The following PDK1 variants were observed in gnomAD, a reference collection of about 807,000 sequenced individuals.
PDK1 encodes the protein [Pyruvate dehydrogenase (acetyl-transferring)] kinase isozyme 1, mitochondrial.
In PDK1, 39 loss-of-function variants were observed where a neutral mutation model predicts 54.2. The ratio of observed to expected loss-of-function variants is 0.72; its 90% CI spans 0.56 to 0.94. PDK1 has a LOEUF of 0.94. Among genes scored for constraint, PDK1 ranks in the 40% least tolerant of loss-of-function variants. The pLI is 0.00. For missense variants in PDK1, 552 were observed against 566.0 expected, an observed-to-expected ratio of 0.98 and a Z score of 0.25; for synonymous variants, 221 against 207.1, an observed-to-expected ratio of 1.07 and a Z score of -0.58.
intron 3 of PDK1, among the ~76,000 whole-genome samples, chr2:172,563,561 C>T (rs1454990484): frequency 6.6e-6 from 1 of 152,176 alleles, no homozygotes; most frequent in Non-Finnish European, 1.5e-5. Context: ...GGGCCGGGCA[C>T]GGTGGCTCAC....
chr2:172,722,863 G>A, the PDK1 span, among the ~76,000 whole-genome samples: 1 of 152,028 alleles, frequency 6.6e-6, no homozygotes, highest in Non-Finnish European at 1.5e-5. Context: ...TTTATTGGCA[G>A]CCTTAATCGG....
Position 172,607,286 on chromosome 2 carries a change from T to C in PDK1, c.*11317T>C, listed in dbSNP as rs1241019475. 1 of 152,248 alleles carries C rather than the reference T, an allele frequency of 6.6e-6. No individual in the cohort carries two copies. Among genetic ancestry groups the C allele is most frequent in the Non-Finnish European group, 1.5e-5 (1 of 68,042 alleles). 9.4% of individuals were successfully genotyped at this position (152,248 alleles called of 1,614,324 possible). On this transcript the variant is annotated 3_prime_UTR_variant, in exon 11 of 11. Coordinates refer to ENST00000282077, the MANE Select transcript of PDK1 (RefSeq NM_002610.5). ...AGCCTGGGTGACAGAGCGAGGTTGC[T>C]TCTAAAACAAAAATTTGAAATAGTA...
At position 172,599,157 on chromosome 2, in the gene PDK1, A is replaced by T. The variant is rs1266409258; in HGVS notation, c.*3188A>T. The T allele has an allele frequency of 1.2e-5, 1 of 86,900 alleles. No homozygotes were observed. Among genetic ancestry groups the T allele is most frequent in the African/African-American group, 6.3e-5 (1 of 15,750 alleles). 5.4% of individuals were successfully genotyped at this position (86,900 alleles called of 1,614,324 possible). On this transcript the variant is annotated 3_prime_UTR_variant, in exon 11 of 11. Coordinates refer to ENST00000282077, the MANE Select transcript of PDK1 (RefSeq NM_002610.5). ...GAATAACTTTCCACAGTATAACTGT[A>T]AAAAAAAAAAAAAAAAGTCTTAATT...
At chr2:172,562,831 A>G (rs1329952928) in intron 3 of PDK1, 2 of 1,606,358 alleles carry the variant, frequency 1.2e-6, no homozygotes, top group Non-Finnish European at 8.5e-7. Flanking sequence ...AATAACCCAT[A>G]TACCAGAATT....
the PDK1 span, among the ~76,000 whole-genome samples, chr2:172,637,820 C>G: frequency 6.6e-6 from 1 of 152,094 alleles, no homozygotes; most frequent in Admixed American, 6.6e-5. Context: ...CTCAGCCTCC[C>G]GAGCAGCTGG....
At chr2:172,669,503 A>G in the PDK1 span, among the ~76,000 whole-genome samples, 2 of 152,226 alleles carry the variant, frequency 1.3e-5, no homozygotes, top group Non-Finnish European at 2.9e-5. Flanking sequence ...ACATCTCTTC[A>G]GCATACTGAT....
At chr2:172,641,320 C>T in the PDK1 span, among the ~76,000 whole-genome samples, 272 of 151,976 alleles carry the variant, frequency 1.8e-3, no homozygotes, top group African/African-American at 6.1e-3. Context: ...TTTGTGGAGA[C>T]GGGGTCTTTC....
intron 6 of PDK1, 70 bp downstream of exon 6, chr2:172,567,003 T>A: frequency 2.9e-6 from 3 of 1,043,872 alleles, no homozygotes; most frequent in Non-Finnish European, 2.9e-6. Flanking sequence ...AGAATTTAAA[T>A]GTTTTAATGG....
chr2:172,671,881 G>A, the PDK1 span, among the ~76,000 whole-genome samples: 1 of 152,270 alleles, frequency 6.6e-6, no homozygotes, highest in African/African-American at 2.4e-5. Flanking sequence ...ATACATTTCA[G>A]AGAAGGGAAA....
At chr2:172,656,850 A>C in the PDK1 span, among the ~76,000 whole-genome samples, 2 of 152,224 alleles carry the variant, frequency 1.3e-5, no homozygotes, top group African/African-American at 4.8e-5. Context: ...CCACCCACAC[A>C]TGAGGGGAAG....
chr2:172,584,295 A>G (rs977832726), intron 8 of PDK1, among the ~76,000 whole-genome samples: 1 of 152,116 alleles, frequency 6.6e-6, no homozygotes, highest in African/African-American at 2.4e-5. Flanking sequence ...CATTCTACAG[A>G]CAATAAAATT....
At chr2:172,723,292 A>G in the PDK1 span, 1 of 152,184 alleles carries the variant, frequency 6.6e-6, no homozygotes, top group South Asian at 2.1e-4. Context: ...ATGACAAAGG[A>G]TGAAGTTCAG....
the PDK1 span, among the ~76,000 whole-genome samples, chr2:172,655,120 C>T: frequency 7.2e-5 from 11 of 152,184 alleles, no homozygotes; most frequent in South Asian, 6.2e-4. Context: ...GGAGCTCCCC[C>T]GCTATCCAGC....
the PDK1 span, among the ~76,000 whole-genome samples, chr2:172,641,181 G>A: frequency 2.1e-5 from 3 of 141,898 alleles, no homozygotes; most frequent in African/African-American, 2.6e-5. Flanking sequence ...CCAGGCTGTA[G>A]TGTAGTGGCA....
At chr2:172,645,751 C>A in the PDK1 span, among the ~76,000 whole-genome samples, 2 of 152,174 alleles carry the variant, frequency 1.3e-5, no homozygotes, top group Non-Finnish European at 2.9e-5. Flanking sequence ...GTCACTGCAA[C>A]CTTCTCCATC....
intron 9 of PDK1, among the ~76,000 whole-genome samples, chr2:172,586,791 T>C (rs1690254305): frequency 6.6e-6 from 1 of 152,224 alleles, no homozygotes; most frequent in Non-Finnish European, 1.5e-5. Flanking sequence ...TCTCATATCC[T>C]AGACTGAAAA....
At chr2:172,656,337 T>C in the PDK1 span, among the ~76,000 whole-genome samples, 1 of 152,246 alleles carries the variant, frequency 6.6e-6, no homozygotes, top group African/African-American at 2.4e-5. Flanking sequence ...ATTGATGTGG[T>C]AGTGAGGTGT....
intron 8 of PDK1, among the ~76,000 whole-genome samples, chr2:172,571,175 T>G (rs1437387124): frequency 2.0e-5 from 3 of 152,184 alleles, no homozygotes. Flanking sequence ...TTTAAAACAG[T>G]GCTTTCTAAT....
intron 8 of PDK1, among the ~76,000 whole-genome samples, chr2:172,585,316 ATTTTTTTTTTTT>A (rs538241255): frequency 1.9e-5 from 2 of 103,304 alleles, no homozygotes; most frequent in East Asian, 2.7e-4. Context: ...TGCATTTTTA[ATTTTTTTTTTTT>A]TTTTTTTTTT....
Sources: gnomAD v4.1 joint callset for allele counts (sites outside exome capture counted in the v4.1 genomes callset) on GRCh38, gnomAD v4.1.1 for gene constraint, MANE v1.5 for transcripts, NCBI Gene and HGNC (gene_info 2026-07-23, HGNC 2026-07-21) for gene names.